The following WNK4 variants were observed in gnomAD, a reference collection of about 807,000 sequenced individuals.
The protein encoded by WNK4 is WNK lysine deficient protein kinase 4.
In WNK4, 94 loss-of-function variants were observed where a neutral mutation model predicts 116.2. That is an observed-to-expected ratio of 0.81 (90% confidence interval 0.68 to 0.96). WNK4 has a LOEUF of 0.96. Among genes scored for constraint, WNK4 ranks in the 40% least tolerant of loss-of-function variants. The pLI is 0.00. For missense variants in WNK4, 1,542 were observed against 1,650.6 expected (o/e 0.93, Z 1.14); for synonymous variants, 655 against 672.7 (o/e 0.97, Z 0.41).
In WNK4 at chr17:42,781,086, T is replaced by C; in HGVS notation, c.388T>C (p.Ser130Pro). Reference sequence around the variant, plus strand: ...CTCCGCGCGTCCCGAGCTCCCGGACTCTGCAGTGGGCCCGGGGTCCAGGGA... The same window carrying C: ...CTCCGCGCGTCCCGAGCTCCCGGACCCTGCAGTGGGCCCGGGGTCCAGGGA... ...EDSARPELPD[S>P]AVGPGSREPL... The change falls in exon 1 of 19, where the codon TCT (serine) becomes CCT (proline). Residue 130 changes from serine to proline, a missense_variant. Ser to Pro is a moderately conservative substitution (Grantham distance 74). Transcript: ENST00000246914. 6.2e-7 allele frequency: 1 copy of C among 1,613,326 alleles called. No individual in the cohort carries two copies. The highest frequency in any genetic ancestry group is 8.5e-7 in the Non-Finnish European group (1 of 1,179,798).
At position 42,780,667 on chromosome 17, in the gene WNK4, A is replaced by AT. The variant is rs758474340; in HGVS notation, c.-28dup. The AT allele has an allele frequency of 1.2e-5, 19 of 1,601,528 alleles. No individual in the cohort carries two copies. The East Asian group carries it at 3.4e-4, about 28-fold the overall frequency. Reference sequence around the variant, plus strand: ...AGGCCGCCTCCTCTCCGGCCGTCTGATTTTCTACCCTTCGGCGCCCTGCTC... The same window carrying AT: ...AGGCCGCCTCCTCTCCGGCCGTCTGATTTTTCTACCCTTCGGCGCCCTGCTC... On this transcript the variant is annotated 5_prime_UTR_variant, in exon 1 of 19. Coordinates refer to ENST00000246914, the MANE Select transcript of WNK4 (RefSeq NM_032387.5).
intron 15 of WNK4, 24 bp from the exon 16 acceptor site, chr17:42,795,601 G>C (rs772985475): frequency 6.2e-7 from 1 of 1,614,118 alleles, no homozygotes; most frequent in Non-Finnish European, 8.5e-7. Flanking sequence ...CTTTCCTCAT[G>C]CCTTCTTCCT....
chr17:42,786,550 G>A lies in WNK4; in HGVS notation c.1477-728G>A, dbSNP rs572075120. ...TGGGATTACAGGCAAAAGCCACAAC[G>A]CCCAGCTAATTTTTGTATTTTTAGT... On this transcript the variant is annotated intron_variant, in intron 6 of 18. Coordinates refer to ENST00000246914, the MANE Select transcript of WNK4 (RefSeq NM_032387.5). 5.3e-5 allele frequency among the ~76,000 whole-genome samples: 8 copies of A among 152,260 alleles called. No homozygotes were observed. The South Asian group carries it at 1.0e-3, about 20-fold the overall frequency.
rs772162780 is a variant in WNK4, at chr17:42,782,739, C to T, written c.619-19C>T. On this transcript the variant is annotated intron_variant, in intron 1 of 18. Coordinates refer to ENST00000246914, the MANE Select transcript of WNK4 (RefSeq NM_032387.5). The surrounding 1 kb of genome is among the most constrained non-coding windows in gnomAD (Gnocchi z 4.2). ...TGGGTGTCCTGGGCCTGACATGACA[C>T]CCGTCCCCCATCCCACAGACTCGGA... 6.2e-7 allele frequency: 1 copy of T among 1,613,852 alleles called. No individual in the cohort carries two copies. The highest frequency in any genetic ancestry group is 8.5e-7 in the Non-Finnish European group (1 of 1,180,006).
rs371930924 is a variant in WNK4, at chr17:42,795,883, C to T, written c.3281C>T (p.Pro1094Leu). 4 of 1,611,786 alleles carry T rather than the reference C, an allele frequency of 2.5e-6. No individual in the cohort carries two copies. The highest frequency in any genetic ancestry group is 3.4e-6 in the Non-Finnish European group (4 of 1,178,652). The change falls in exon 16 of 19, where the codon CCC becomes CTC. Residue 1094 changes from proline to leucine, a missense_variant. Coordinates refer to ENST00000246914, the MANE Select transcript of WNK4 (RefSeq NM_032387.5). ...GAGGAAGGAGATGATGGGAAGGAAC[C>T]CCAAGTTGGGGGCAGCCCCCAACCC... ...VEEEGDDGKE[P>L]QVGGSPQPLS...
rs1304753202 is a variant in WNK4, at chr17:42,793,600, C to T, written c.2166C>T (p.Asn722=). ...CTGTTGACCCTCGCAAGGTATATAACGAGTTCATTCTGCCTTCGGAGCGAG... is the reference window on the plus strand; with the variant it reads ...CTGTTGACCCTCGCAAGGTATATAATGAGTTCATTCTGCCTTCGGAGCGAG... The part of the protein sequence containing the change: ...PEEIAAAMVY[N]EFILPSERDG... Residue 722 remains asparagine (N), a synonymous_variant, in exon 12 of 19, where the codon AAC becomes AAT. Coordinates refer to ENST00000246914, the MANE Select transcript of WNK4 (RefSeq NM_032387.5). 6 of 1,613,966 alleles carry T rather than the reference C, an allele frequency of 3.7e-6. No individual in the cohort carries two copies. The highest frequency in any genetic ancestry group is 3.3e-5 in the South Asian group (3 of 91,084).
chr17:42,792,846 A>T (rs978937023), intron 11 of WNK4, among the ~76,000 whole-genome samples: 6 of 152,196 alleles, frequency 3.9e-5, no homozygotes, highest in Non-Finnish European at 8.8e-5. Context: ...CCTGTGTGTT[A>T]TACTTTATAA....
Position 42,784,090 on chromosome 17 carries a change from C to T in WNK4, c.945C>T (p.Gly315=), listed in dbSNP as rs61754348. 7.6e-4 allele frequency: 1,233 copies of T among 1,612,628 alleles called. 7 individuals are homozygous for T. The African/African-American group carries it at 0.014, about 18-fold the overall frequency. ...CDNVFITGPT[G]SVKIGDLGLA... is the part of the protein sequence containing the mutation. ...ATGTCTTTATCACGGGACCTACTGG[C>T]TCTGTCAAAATCGGGGACCTGGGCC... Residue 315 remains glycine (G), a synonymous_variant, in exon 3 of 19, where the codon GGC becomes GGT. Coordinates refer to ENST00000246914, the MANE Select transcript of WNK4 (RefSeq NM_032387.5). The surrounding 1 kb of genome is among the most constrained non-coding windows in gnomAD (Gnocchi z 4.4).
chr17:42,786,846 G>C (rs1180175147), intron 6 of WNK4, among the ~76,000 whole-genome samples: 1 of 152,216 alleles, frequency 6.6e-6, no homozygotes, highest in African/African-American at 2.4e-5. Flanking sequence ...TTGCTGACAA[G>C]GGATTCTTGG....
At chr17:42,794,011 C>G (rs1044734444) in intron 12 of WNK4, 2 of 387,794 alleles carry the variant, frequency 5.2e-6, no homozygotes, top group South Asian at 2.2e-5. Context: ...CGCCACCACA[C>G]CCGGCTAATT....
intron 11 of WNK4, among the ~76,000 whole-genome samples, chr17:42,789,640 G>A (rs1450927345): frequency 6.6e-6 from 1 of 151,028 alleles, no homozygotes; most frequent in East Asian, 1.9e-4. Context: ...CTCCAGCCTG[G>A]GCGACAAGAG....
chr17:42,795,378 G>A lies in WNK4; in HGVS notation c.2957G>A (p.Ser986Asn). 6.2e-7 allele frequency: 1 copy of A among 1,614,082 alleles called. No individual in the cohort carries two copies. Among genetic ancestry groups the A allele is most frequent in the Non-Finnish European group, 8.5e-7 (1 of 1,180,018 alleles). ...SPSPHTAEVE[S>N]EASPPPARPL... is the part of the protein sequence containing the mutation. Reference sequence around the variant, plus strand: ...TCACCCCACACAGCTGAGGTGGAGAGTGAGGTGAGTAGAAAACCAAGAGGG... The same window carrying A: ...TCACCCCACACAGCTGAGGTGGAGAATGAGGTGAGTAGAAAACCAAGAGGG... The change falls in exon 14 of 19, where the codon AGT becomes AAT. Residue 986 changes from serine (S) to asparagine (N), a missense_variant. Around this residue, in one of 7 missense-constraint regions of WNK4, gnomAD observed 292 missense variants for 290.1 expected, o/e 1.01. Coordinates refer to ENST00000246914, the MANE Select transcript of WNK4 (RefSeq NM_032387.5).
rs368190514 is a variant in WNK4 at position 42,788,167 on chromosome 17, G to T, written c.1901G>T (p.Ser634Ile). 2 of 1,614,192 alleles carry T rather than the reference G, an allele frequency of 1.2e-6. No homozygotes were observed. The highest frequency in any genetic ancestry group is 1.7e-6 in the Non-Finnish European group (2 of 1,180,038). The change falls in exon 9 of 19, where the codon AGT becomes ATT. Residue 634 changes from serine to isoleucine, a missense_variant. Ser to Ile is a moderately radical substitution (Grantham distance 142). This residue lies in a region of WNK4 where 808 missense variants were observed against 873.6 expected (regional missense o/e 0.92). Transcript: ENST00000246914. ...TCCATTCCACGTTCTGGCCCTGGAA[G>T]TGACTTTTCCCCCGGGGACAGGTAT... ...ALSIPRSGPG[S>I]DFSPGDSYAS...
At chr17:42,783,051 C>A in intron 2 of WNK4, 121 bp downstream of exon 2, 1 of 1,335,924 alleles carries the variant, frequency 7.5e-7, no homozygotes, top group Non-Finnish European at 1.0e-6. Flanking sequence ...TCACCATCTC[C>A]CTCTCACCCA....
In WNK4 at chr17:42,793,939, G is replaced by A. The variant is rs532675221; in HGVS notation, c.2295+210G>A. ...ACGATCTCGGCTCACTGCAAGCTCC[G>A]CCTCCCGGGTTCACGCCATTCTCCT... is the stretch of plus-strand genomic sequence containing the variant. On this transcript the variant is annotated intron_variant, in intron 12 of 18. Transcript: ENST00000246914. 1.7e-4 allele frequency: 98 copies of A among 564,634 alleles called. 2 individuals carry two copies. The highest frequency in any genetic ancestry group is 1.1e-3 in the South Asian group (63 of 57,228). 35.0% of individuals were successfully genotyped at this position (564,634 alleles called of 1,614,324 possible).
chr17:42,781,374 TGACA>T (rs1427121096), intron 1 of WNK4, 58 bp downstream of exon 1: 10 of 1,610,982 alleles, frequency 6.2e-6, no homozygotes, highest in East Asian at 4.5e-5. Context: ...GGTCTTAGGA[TGACA>T]GACAGAGGGT....
At chr17:42,787,118 GTGA>G (rs1258344049) in intron 6 of WNK4, among the ~76,000 whole-genome samples, 157 bp from the exon 7 acceptor site, 2 of 152,228 alleles carry the variant, frequency 1.3e-5, no homozygotes, top group African/African-American at 2.4e-5. Context: ...GGAGGATCTA[GTGA>G]TGATAATGTA....
intron 6 of WNK4, among the ~76,000 whole-genome samples, chr17:42,786,813 A>C (rs2054554170): frequency 6.6e-6 from 1 of 152,178 alleles, no homozygotes; most frequent in Non-Finnish European, 1.5e-5. Context: ...GCCCAACCTG[A>C]CCTGAGATCA....
At position 42,795,739 on chromosome 17, in the gene WNK4, C is replaced by T; in HGVS notation, c.3137C>T (p.Thr1046Ile). 2 of 1,613,702 alleles carry T rather than the reference C, an allele frequency of 1.2e-6. No individual in the cohort carries two copies. The highest frequency in any genetic ancestry group is 8.5e-7 in the Non-Finnish European group (1 of 1,180,046). The change falls in exon 16 of 19, where the codon ACC (threonine) becomes ATC (isoleucine). Residue 1046 changes from threonine (T) to isoleucine (I), a missense_variant. This residue lies in a region of WNK4 where 292 missense variants were observed against 290.1 expected (regional missense o/e 1.01). Coordinates refer to ENST00000246914, the MANE Select transcript of WNK4 (RefSeq NM_032387.5). The stretch of plus-strand genomic sequence containing the variant: ...CTCTCTGGTTCTCCAAAACCTTCAA[C>T]CCCTCAGCTCACTTCAGAGAGCTCA... Reference protein sequence around the residue: ...PTLSGSPKPSTPQLTSESSDT... With the variant: ...PTLSGSPKPSIPQLTSESSDT...
Sources: allele counts gnomAD v4.1 joint callset (sites outside exome capture counted in the v4.1 genomes callset), GRCh38; gene constraint gnomAD v4.1.1; regional missense constraint gnomAD v4.1.1; non-coding constraint Gnocchi (gnomAD v3.1); transcripts MANE v1.5; gene names NCBI Gene and HGNC (gene_info 2026-07-23, HGNC 2026-07-21).